Variants in RANBP2 observed in about 807,000 individuals in gnomAD.
RANBP2 encodes the protein E3 SUMO-protein ligase RanBP2.
In RANBP2, 57 loss-of-function variants were observed where a neutral mutation model predicts 303.6. That is an observed-to-expected ratio of 0.19 (90% CI 0.15 to 0.23). The LOEUF (loss-of-function observed/expected upper bound fraction) is 0.23. Ranked by LOEUF, RANBP2 falls within the 10% of genes least tolerant of loss-of-function variation. RANBP2 has a pLI of 1.00. For synonymous variants in RANBP2, 1,167 were observed against 1,301.5 expected (o/e 0.90, Z 2.23); for missense variants, 3,138 against 3,780.8 (o/e 0.83, Z 4.46).
At chr2:109,735,121 T>C in the RANBP2 span, among the ~76,000 whole-genome samples, 2 of 152,208 alleles carry the variant, frequency 1.3e-5, no homozygotes, top group Non-Finnish European at 2.9e-5. Context: ...TATCCAGCTA[T>C]AATTTTTTGT....
chr2:109,614,254 C>T, the RANBP2 span: 14 of 681,540 alleles, frequency 2.1e-5, no homozygotes, highest in Admixed American at 5.3e-4. Flanking sequence ...GCCGAGACAG[C>T]GGGGAGCGGA....
At chr2:109,183,841 A>T in the RANBP2 span, among the ~76,000 whole-genome samples, 2 of 152,164 alleles carry the variant, frequency 1.3e-5, no homozygotes, top group Non-Finnish European at 2.9e-5. Context: ...CTGCCAGGCC[A>T]CTGTGTTGTC....
chr2:108,759,009 T>A (rs1003539212), intron 18 of RANBP2, among the ~76,000 whole-genome samples: 1 of 149,392 alleles, frequency 6.7e-6, no homozygotes, highest in African/African-American at 2.5e-5. Context: ...ACTGGGTTTT[T>A]AAGTTCTGCT....
At chr2:109,330,535 TACCTC>T in the RANBP2 span, among the ~76,000 whole-genome samples, 1 of 152,224 alleles carries the variant, frequency 6.6e-6, no homozygotes, top group Non-Finnish European at 1.5e-5. Context: ...AGATGTCTAG[TACCTC>T]ACACAGGCCT....
chr2:109,499,571 C>G, the RANBP2 span, among the ~76,000 whole-genome samples: 5 of 152,166 alleles, frequency 3.3e-5, no homozygotes, highest in Non-Finnish European at 7.4e-5. Flanking sequence ...GGAGGCCCAG[C>G]TAGTGGGAGT....
chr2:109,706,005 G>A, the RANBP2 span, among the ~76,000 whole-genome samples: 2 of 152,290 alleles, frequency 1.3e-5, no homozygotes, highest in East Asian at 1.9e-4. Context: ...GAAGCTTGGT[G>A]TCATCTGGGT....
At chr2:109,429,894 G>T in the RANBP2 span, among the ~76,000 whole-genome samples, 1 of 152,176 alleles carries the variant, frequency 6.6e-6, no homozygotes, top group African/African-American at 2.4e-5. Flanking sequence ...GCCTGCAGTA[G>T]CCTGGAGGGA....
rs535590537 is a variant in RANBP2, at chr2:108,760,107, A to G, written c.2602+1559A>G. On this transcript the variant is annotated intron_variant, in intron 18 of 28. Coordinates refer to ENST00000283195, the MANE Select transcript of RANBP2 (RefSeq NM_006267.5). ...CTTTTTCCTTAATAAAAGTAAACATATATCAAGATGGTCCTTGTTTTTTAA... is the reference window on the plus strand; with the variant it reads ...CTTTTTCCTTAATAAAAGTAAACATGTATCAAGATGGTCCTTGTTTTTTAA... Among the ~76,000 whole-genome samples, 18 of 152,278 alleles carry G rather than the reference A, an allele frequency of 1.2e-4. No individual in the cohort carries two copies. In the South Asian group the frequency reaches 3.7e-3, roughly 32 times the overall value.
the RANBP2 span, among the ~76,000 whole-genome samples, chr2:109,140,279 A>G: frequency 1.3e-5 from 2 of 152,344 alleles, no homozygotes; most frequent in South Asian, 2.1e-4. Flanking sequence ...GCATCCAGCC[A>G]TGGACCTTCT....
At chr2:109,545,594 A>C in the RANBP2 span, 58 of 1,533,494 alleles carry the variant, frequency 3.8e-5, no homozygotes, top group Non-Finnish European at 4.9e-5. Context: ...ATTTGTTCTA[A>C]AAAACTGAAC....
the RANBP2 span, among the ~76,000 whole-genome samples, chr2:109,330,618 T>C: frequency 6.6e-6 from 1 of 151,974 alleles, no homozygotes. Flanking sequence ...AATGGGTGTG[T>C]GGTGGATGGA....
the RANBP2 span, among the ~76,000 whole-genome samples, chr2:109,706,266 C>T: frequency 3.3e-5 from 5 of 152,302 alleles, no homozygotes; most frequent in South Asian, 2.1e-4. Context: ...GCCCATTTCA[C>T]GCAGATGCGG....
At chr2:108,720,543 C>T (rs529235115) in intron 1 of RANBP2, among the ~76,000 whole-genome samples, 1 of 152,242 alleles carries the variant, frequency 6.6e-6, no homozygotes, top group Non-Finnish European at 1.5e-5. Flanking sequence ...GGTGGATGTG[C>T]GCAGAATCTT....
chr2:109,430,899 A>T, the RANBP2 span, among the ~76,000 whole-genome samples: 1 of 152,196 alleles, frequency 6.6e-6, no homozygotes, highest in Non-Finnish European at 1.5e-5. Flanking sequence ...GCATGTCCCT[A>T]GGAGGAGGGC....
chr2:109,180,761 C>G, the RANBP2 span, among the ~76,000 whole-genome samples: 1 of 152,148 alleles, frequency 6.6e-6, no homozygotes, highest in Non-Finnish European at 1.5e-5. Flanking sequence ...GTCCATTAAA[C>G]CTCTTTATTT....
chr2:109,247,448 G>A, the RANBP2 span, among the ~76,000 whole-genome samples: 2 of 152,212 alleles, frequency 1.3e-5, no homozygotes, highest in African/African-American at 2.4e-5. Flanking sequence ...GCTCCTGACC[G>A]TTCCTCTGAG....
chr2:108,955,516 G>A, the RANBP2 span, among the ~76,000 whole-genome samples: 1 of 152,158 alleles, frequency 6.6e-6, no homozygotes, highest in Non-Finnish European at 1.5e-5. Flanking sequence ...GGGAGGCCGT[G>A]GTGGGCAGAT....
the RANBP2 span, among the ~76,000 whole-genome samples, chr2:109,530,394 T>C: frequency 2.0e-5 from 3 of 152,202 alleles, no homozygotes; most frequent in East Asian, 5.8e-4. Flanking sequence ...TCCAAGCAGC[T>C]GCAAACAAAT....
chr2:108,755,120 A>G (rs183341856), intron 16 of RANBP2, 36 bp downstream of exon 16: 49,042 of 1,611,826 alleles, frequency 0.03, 897 homozygotes, highest in Non-Finnish European at 0.037. Flanking sequence ...TCATTGTGAA[A>G]TTGTTTCTGT....
Sources: allele counts gnomAD v4.1 joint callset (sites outside exome capture counted in the v4.1 genomes callset), GRCh38; gene constraint gnomAD v4.1.1; transcripts MANE v1.5; gene names NCBI Gene and HGNC (gene_info 2026-07-23, HGNC 2026-07-21).